CFAP299: variants seen among roughly 807,000 people sequenced by gnomAD.
CFAP299 encodes cilia and flagella associated protein 299.
Under a neutral mutation model 27.0 loss-of-function variants are expected in CFAP299, and 21 were observed. The ratio of observed to expected loss-of-function variants is 0.78; its 90% CI spans 0.55 to 1.12. The LOEUF (loss-of-function observed/expected upper bound fraction) is 1.12. Among genes scored for constraint, CFAP299 ranks in the 50% most tolerant of loss-of-function variants. The probability of loss-of-function intolerance (pLI) is 0.00; values close to 1 mark genes in which losing one functional copy is unlikely to be tolerated. For missense variants in CFAP299, 310 were observed against 276.6 expected (o/e 1.12, Z -0.86); for synonymous variants, 104 against 98.1 (o/e 1.06, Z -0.36).
At chr4:80,806,294 T>C (rs1414712613) in intron 3 of CFAP299, among the ~76,000 whole-genome samples, 2 of 152,186 alleles carry the variant, frequency 1.3e-5, no homozygotes, top group African/African-American at 4.8e-5. Flanking sequence ...TTTGCTTGCT[T>C]TTTAAATTCA....
chr4:80,594,727 T>A (rs1157944765), intron 3 of CFAP299, among the ~76,000 whole-genome samples: 1 of 152,202 alleles, frequency 6.6e-6, no homozygotes, highest in Non-Finnish European at 1.5e-5. Flanking sequence ...GAATTACTTC[T>A]ATGTCTACCA....
At chr4:80,908,223 T>C (rs934983077) in intron 4 of CFAP299, among the ~76,000 whole-genome samples, 2 of 152,202 alleles carry the variant, frequency 1.3e-5, no homozygotes, top group African/African-American at 4.8e-5. Context: ...GTGTTGGAGT[T>C]GACACTGCAT....
intron 3 of CFAP299, among the ~76,000 whole-genome samples, chr4:80,593,509 G>A (rs951836676): frequency 1.3e-5 from 2 of 152,084 alleles, no homozygotes; most frequent in African/African-American, 2.4e-5. Flanking sequence ...AAATCTATGG[G>A]CATAAAGTTA....
chr4:80,383,111 A>G (rs180961164), intron 2 of CFAP299, among the ~76,000 whole-genome samples: 1 of 152,236 alleles, frequency 6.6e-6, no homozygotes, highest in African/African-American at 2.4e-5. Context: ...GTTCTCACTT[A>G]TAAGTGGGGG....
intron 2 of CFAP299, among the ~76,000 whole-genome samples, chr4:80,524,472 C>T (rs1733075820): frequency 2.6e-5 from 4 of 151,802 alleles, no homozygotes; most frequent in Admixed American, 2.0e-4. Flanking sequence ...CTGGTTATAA[C>T]AACTAAAAAT....
intron 5 of CFAP299, among the ~76,000 whole-genome samples, chr4:80,950,717 G>A (rs1218115297): frequency 2.0e-5 from 3 of 152,150 alleles, no homozygotes; most frequent in Admixed American, 6.5e-5. Flanking sequence ...CACCCAGGAA[G>A]CTTTAGAATA....
chr4:80,566,436 G>A (rs1735288171), intron 2 of CFAP299, among the ~76,000 whole-genome samples: 1 of 146,886 alleles, frequency 6.8e-6, no homozygotes, highest in African/African-American at 2.4e-5. Context: ...CAGTTACTGA[G>A]AAATGCAGCA....
At chr4:80,427,235 AACC>A (rs1727570340) in intron 2 of CFAP299, among the ~76,000 whole-genome samples, 1 of 152,218 alleles carries the variant, frequency 6.6e-6, no homozygotes, top group Non-Finnish European at 1.5e-5. Flanking sequence ...CAGCTTATTT[AACC>A]ATATAATTCC....
intron 2 of CFAP299, among the ~76,000 whole-genome samples, chr4:80,576,703 T>A (rs1446166168): frequency 6.6e-6 from 1 of 152,182 alleles, no homozygotes; most frequent in African/African-American, 2.4e-5. Flanking sequence ...TCAACTACTG[T>A]TTTTCACTTT....
rs186700737 is a variant in CFAP299, at chr4:80,398,203, G to T, written c.242+35319G>T. On this transcript the variant is annotated intron_variant, in intron 2 of 5. Coordinates refer to ENST00000358105, the MANE Select transcript of CFAP299 (RefSeq NM_152770.3). Reference sequence around the variant, plus strand: ...AAATAAAAGAGGATACAAACAAATGGAAGATCATTCCATGCTCATGGATAG... The same window carrying T: ...AAATAAAAGAGGATACAAACAAATGTAAGATCATTCCATGCTCATGGATAG... Among the ~76,000 whole-genome samples, 362 of 152,250 alleles carry T rather than the reference G, an allele frequency of 2.4e-3. 2 individuals are homozygous for T. The highest frequency in any genetic ancestry group is 7.9e-3 in the African/African-American group (330 of 41,548).
intron 4 of CFAP299, among the ~76,000 whole-genome samples, chr4:80,877,777 A>AT (rs1560459389): frequency 6.6e-6 from 1 of 151,876 alleles, no homozygotes; most frequent in Non-Finnish European, 1.5e-5. Context: ...TTTATTATTA[A>AT]TTTTTTTTAA....
chr4:80,433,010 A>C (rs1031759392), intron 2 of CFAP299, among the ~76,000 whole-genome samples: 1 of 152,124 alleles, frequency 6.6e-6, no homozygotes, highest in East Asian at 1.9e-4. Context: ...GACTTTGTTC[A>C]TTCTCAGAGA....
chr4:80,912,913 G>C (rs906302907), intron 4 of CFAP299, among the ~76,000 whole-genome samples: 1 of 152,136 alleles, frequency 6.6e-6, no homozygotes, highest in Non-Finnish European at 1.5e-5. Flanking sequence ...GTGCGGAATA[G>C]AGGGGAAGCC....
intron 3 of CFAP299, among the ~76,000 whole-genome samples, chr4:80,662,775 C>G (rs1327116484): frequency 6.6e-6 from 1 of 152,020 alleles, no homozygotes; most frequent in African/African-American, 2.4e-5. Flanking sequence ...TGGAATAGGA[C>G]AGAGATGAGA....
chr4:80,509,249 G>A lies in CFAP299; in HGVS notation c.243-73844G>A, dbSNP rs191231570. ...AACACCTTATAAAAATAATAGCATGGCAGTCTTTTATTAGCTTACAGCATG... is the reference window on the plus strand; with the variant it reads ...AACACCTTATAAAAATAATAGCATGACAGTCTTTTATTAGCTTACAGCATG... On this transcript the variant is annotated intron_variant, in intron 2 of 5. Transcript: ENST00000358105. Among the ~76,000 whole-genome samples the A allele has an allele frequency of 2.2e-4, 34 of 152,214 alleles. No individual in the cohort carries two copies. In the East Asian group the frequency reaches 6.4e-3, roughly 29 times the overall value.
intron 2 of CFAP299, among the ~76,000 whole-genome samples, chr4:80,379,890 T>A (rs1314904077): frequency 6.6e-6 from 1 of 152,116 alleles, no homozygotes; most frequent in Non-Finnish European, 1.5e-5. Context: ...TTTTTAGAAT[T>A]ACTATTCTAA....
chr4:80,396,784 T>C (rs1725820562), intron 2 of CFAP299, among the ~76,000 whole-genome samples: 1 of 152,214 alleles, frequency 6.6e-6, no homozygotes, highest in African/African-American at 2.4e-5. Flanking sequence ...GGGTTGCCAG[T>C]ATTTTACTGA....
intron 3 of CFAP299, among the ~76,000 whole-genome samples, chr4:80,609,383 G>GAA (rs1354406683): frequency 6.6e-6 from 1 of 152,030 alleles, no homozygotes; most frequent in Non-Finnish European, 1.5e-5. Context: ...TCCAAGGTAG[G>GAA]AAACTATGCA....
At chr4:80,716,640 A>G (rs1340455778) in intron 3 of CFAP299, among the ~76,000 whole-genome samples, 1 of 152,096 alleles carries the variant, frequency 6.6e-6, no homozygotes, top group African/African-American at 2.4e-5. Flanking sequence ...TTCTTTATTT[A>G]TAATGCAAAT....
Sources: gnomAD v4.1 joint callset for allele counts (sites outside exome capture counted in the v4.1 genomes callset) on GRCh38, gnomAD v4.1.1 for gene constraint, MANE v1.5 for transcripts, NCBI Gene and HGNC (gene_info 2026-07-23, HGNC 2026-07-21) for gene names.